The following MDFIC2 variants were observed in gnomAD, a reference collection of about 807,000 sequenced individuals.
MDFIC2 encodes MyoD family inhibitor domain containing 2.
At position 70,309,159 on chromosome 3, in the gene MDFIC2, G is replaced by A. The variant is rs140465468; in HGVS notation, c.88+2727C>T. On this transcript the variant is annotated intron_variant, in intron 2 of 3. Transcript: ENST00000567252. ...AGTCACTGTAATAAAATGGTTTAAT[G>A]AAATGAATAGAATTTGGACCTCAAA... 1.2e-4 allele frequency among the ~76,000 whole-genome samples: 18 copies of A among 152,224 alleles called. No individual in the cohort carries two copies. In the East Asian group the frequency reaches 2.5e-3, roughly 21 times the overall value.
chr3:70,245,671 T>TATATATATA (rs1326051204), intron 2 of MDFIC2, among the ~76,000 whole-genome samples: 2 of 57,222 alleles, frequency 3.5e-5, no homozygotes, highest in African/African-American at 5.7e-5. Flanking sequence ...GCAAACTGCT[T>TATATATATA]TATATATATA....
At chr3:70,291,931 A>C (rs1702243213) in intron 2 of MDFIC2, 1 of 152,124 alleles carries the variant, frequency 6.6e-6, no homozygotes, top group South Asian at 2.1e-4. Flanking sequence ...ATTGTAACCA[A>C]CGTTTTGCAG....
chr3:70,264,511 G>C (rs1278424809), intron 2 of MDFIC2, among the ~76,000 whole-genome samples: 1 of 152,186 alleles, frequency 6.6e-6, no homozygotes, highest in Non-Finnish European at 1.5e-5. Context: ...CCCTGTTAGA[G>C]AATAACCATG....
At chr3:70,278,167 A>G (rs1006060161) in intron 2 of MDFIC2, among the ~76,000 whole-genome samples, 4 of 152,142 alleles carry the variant, frequency 2.6e-5, no homozygotes, top group African/African-American at 9.7e-5. Context: ...GTTCTTATAT[A>G]AATGGGCTCA....
At chr3:70,240,306 T>G (rs957227839) in intron 2 of MDFIC2, among the ~76,000 whole-genome samples, 1 of 151,964 alleles carries the variant, frequency 6.6e-6, no homozygotes. Context: ...AAACAGTAGC[T>G]AAGCCAGAAA....
chr3:70,293,859 A>T (rs756758045), intron 2 of MDFIC2, among the ~76,000 whole-genome samples: 1 of 152,062 alleles, frequency 6.6e-6, no homozygotes, highest in Non-Finnish European at 1.5e-5. Flanking sequence ...TACCACTTTC[A>T]GTTTCATCAC....
At chr3:70,248,649 A>G (rs1034302607) in intron 2 of MDFIC2, among the ~76,000 whole-genome samples, 3 of 152,178 alleles carry the variant, frequency 2.0e-5, no homozygotes, top group Non-Finnish European at 4.4e-5. Context: ...TCAACAGTAA[A>G]GACAGGAGTT....
chr3:70,247,614 T>C (rs1487478634), intron 2 of MDFIC2, among the ~76,000 whole-genome samples: 2 of 151,938 alleles, frequency 1.3e-5, no homozygotes, highest in East Asian at 3.9e-4. Flanking sequence ...ACATTATATC[T>C]CTTTTAATCT....
At chr3:70,239,102 G>T (rs1424674892) in intron 2 of MDFIC2, among the ~76,000 whole-genome samples, 1 of 152,168 alleles carries the variant, frequency 6.6e-6, no homozygotes, top group African/African-American at 2.4e-5. Flanking sequence ...AAGAAACTGA[G>T]ATGTGGTTTC....
intron 2 of MDFIC2, among the ~76,000 whole-genome samples, chr3:70,296,463 T>A (rs2106697880): frequency 6.6e-6 from 1 of 152,164 alleles, no homozygotes. Flanking sequence ...ACCCATCACC[T>A]CTCACACCGT....
chr3:70,292,337 C>T (rs948793944), intron 2 of MDFIC2, among the ~76,000 whole-genome samples: 1 of 152,050 alleles, frequency 6.6e-6, no homozygotes, highest in Non-Finnish European at 1.5e-5. Flanking sequence ...TCTCTGAGAG[C>T]CATTACTATA....
chr3:70,229,481 G>A (rs565694550), intron 2 of MDFIC2, among the ~76,000 whole-genome samples: 1 of 152,214 alleles, frequency 6.6e-6, no homozygotes, highest in East Asian at 1.9e-4. Context: ...CCTTTTTCTG[G>A]GCACACGGTT....
At chr3:70,249,402 A>G (rs1214025590) in intron 2 of MDFIC2, among the ~76,000 whole-genome samples, 1 of 152,134 alleles carries the variant, frequency 6.6e-6, no homozygotes, top group Non-Finnish European at 1.5e-5. Flanking sequence ...TTGGAATGCA[A>G]TTTAGGAGAC....
intron 2 of MDFIC2, among the ~76,000 whole-genome samples, chr3:70,290,887 C>A (rs1040470487): frequency 6.6e-6 from 1 of 152,166 alleles, no homozygotes; most frequent in Non-Finnish European, 1.5e-5. Context: ...TTGCGCTTCC[C>A]GAGTGAGGCA....
chr3:70,273,875 T>C (rs1246533372), intron 2 of MDFIC2, among the ~76,000 whole-genome samples: 1 of 152,158 alleles, frequency 6.6e-6, no homozygotes, highest in Non-Finnish European at 1.5e-5. Flanking sequence ...CAATCATGGC[T>C]CACTGAAGAC....
intron 2 of MDFIC2, among the ~76,000 whole-genome samples, chr3:70,218,949 TA>T (rs1418249256): frequency 1.3e-5 from 2 of 152,002 alleles, no homozygotes; most frequent in African/African-American, 4.8e-5. Context: ...TTTCAGGTCT[TA>T]AAAATAACAG....
At chr3:70,287,577 T>C (rs1237154324) in intron 2 of MDFIC2, among the ~76,000 whole-genome samples, 2 of 152,104 alleles carry the variant, frequency 1.3e-5, no homozygotes, top group African/African-American at 4.8e-5. Flanking sequence ...CCTCATAAAA[T>C]GAGTGAGGGA....
intron 2 of MDFIC2, among the ~76,000 whole-genome samples, chr3:70,279,074 T>C (rs7651174): frequency 0.55 from 80,831 of 147,974 alleles, 22,572 homozygotes; most frequent in Middle Eastern, 0.63. Context: ...CATCTTCTCA[T>C]TTGCCCAAGC....
At chr3:70,198,613 A>C (rs1054038724) in intron 3 of MDFIC2, among the ~76,000 whole-genome samples, 1 of 152,112 alleles carries the variant, frequency 6.6e-6, no homozygotes, top group African/African-American at 2.4e-5. Context: ...TCTTTCTCTT[A>C]CCTTCCCTTC....
Sources: allele counts gnomAD v4.1 joint callset (sites outside exome capture counted in the v4.1 genomes callset), GRCh38; gene constraint gnomAD v4.1.1; transcripts MANE v1.5; gene names NCBI Gene and HGNC (gene_info 2026-07-23, HGNC 2026-07-21).